VPS13B: variants seen among roughly 807,000 people sequenced by gnomAD.
VPS13B encodes vacuolar protein sorting 13 homolog B.
VPS13B carries 285 observed loss-of-function variants against 426.4 expected under a neutral mutation model. The ratio of observed to expected loss-of-function variants is 0.67; its 90% CI spans 0.61 to 0.74. The LOEUF is 0.74. Ranked by LOEUF, VPS13B falls within the 30% of genes least tolerant of loss-of-function variation. The pLI is 0.00. For missense variants in VPS13B, 4,537 were observed against 4,782.6 expected (o/e 0.95, Z 1.51); for synonymous variants, 1,676 against 1,676.4 (o/e 1.00, Z 0.01).
chr8:99,615,885 CT>C (rs938131233), intron 33 of VPS13B, among the ~76,000 whole-genome samples: 285 of 151,988 alleles, frequency 1.9e-3, no homozygotes, highest in African/African-American at 6.2e-3. Context: ...CGTTTATTGT[CT>C]TTTTTTATGC....
chr8:99,335,387 G>T (rs1313814848), intron 19 of VPS13B, among the ~76,000 whole-genome samples: 1 of 151,918 alleles, frequency 6.6e-6, no homozygotes, highest in African/African-American at 2.4e-5. Context: ...GTTATTTCTT[G>T]CCTTCTGCTA....
chr8:99,517,635 TC>T (rs1309017356), intron 29 of VPS13B, among the ~76,000 whole-genome samples: 4 of 152,180 alleles, frequency 2.6e-5, no homozygotes, highest in African/African-American at 9.7e-5. Flanking sequence ...GTCTTTGACT[TC>T]CAGCTTAATC....
intron 15 of VPS13B, among the ~76,000 whole-genome samples, chr8:99,169,340 T>C (rs1433232003): frequency 1.3e-5 from 2 of 152,036 alleles, no homozygotes; most frequent in Non-Finnish European, 2.9e-5. Flanking sequence ...TGTAACGTGA[T>C]GTTATGTTGT....
chr8:99,866,842 T>G (rs1429620914), intron 58 of VPS13B, among the ~76,000 whole-genome samples: 1 of 152,194 alleles, frequency 6.6e-6, no homozygotes, highest in Non-Finnish European at 1.5e-5. Flanking sequence ...AAATGAGGGG[T>G]GCTCCCAGCT....
chr8:99,073,629 T>C (rs1216168392), intron 3 of VPS13B, among the ~76,000 whole-genome samples: 3 of 151,952 alleles, frequency 2.0e-5, no homozygotes, highest in South Asian at 2.1e-4. Flanking sequence ...TAGGTTTTTC[T>C]GTATATAAGA....
intron 40 of VPS13B, 62 bp downstream of exon 40, chr8:99,767,032 C>G: frequency 6.6e-7 from 1 of 1,526,706 alleles, no homozygotes; most frequent in Non-Finnish European, 9.0e-7. Context: ...GTCATCTTTT[C>G]CTATCTAGTG....
At chr8:99,485,102 A>G (rs1488531597) in intron 25 of VPS13B, among the ~76,000 whole-genome samples, 2 of 152,174 alleles carry the variant, frequency 1.3e-5, no homozygotes, top group East Asian at 3.8e-4. Context: ...ACAGTCAGTG[A>G]TATGCTTCAT....
In VPS13B at chr8:99,832,341, A is replaced by ATTTTTTTTTTTTT. The variant is rs370235149; in HGVS notation, c.9331-15_9331-3dup. 65 of 1,195,318 alleles carry ATTTTTTTTTTTTT rather than the reference A, an allele frequency of 5.4e-5. No individual in the cohort carries two copies. The highest frequency in any genetic ancestry group is 2.2e-4 in the African/African-American group (10 of 45,908). The allele number at this position is 1,195,318 out of a possible 1,614,324, so 74.0% of individuals were successfully genotyped here. On this transcript the variant is annotated intron_variant, in intron 51 of 61. Transcript: ENST00000357162. ...TTACTGTAGCTAATGTGCTCTCTGC[A>ATTTTTTTTTTTTT]TTTTTTTTTTTTTTTTTTTTTTTTT...
intron 23 of VPS13B, among the ~76,000 whole-genome samples, chr8:99,464,602 A>G (rs1249413927): frequency 6.6e-6 from 1 of 152,144 alleles, no homozygotes; most frequent in African/African-American, 2.4e-5. Flanking sequence ...TGATTATAGC[A>G]TGGTATGATA....
intron 23 of VPS13B, among the ~76,000 whole-genome samples, chr8:99,463,140 A>G (rs954441915): frequency 2.0e-5 from 3 of 152,230 alleles, no homozygotes; most frequent in Admixed American, 6.5e-5. Flanking sequence ...TAGCAAAACT[A>G]TAGGGTAACT....
chr8:99,446,465 T>G (rs1164890384), intron 23 of VPS13B, among the ~76,000 whole-genome samples: 1 of 152,176 alleles, frequency 6.6e-6, no homozygotes, highest in African/African-American at 2.4e-5. Context: ...TTATGAGTCC[T>G]GCAAGTTTTC....
intron 21 of VPS13B, among the ~76,000 whole-genome samples, chr8:99,397,495 A>G (rs1005432941): frequency 7.9e-5 from 12 of 152,142 alleles, no homozygotes; most frequent in African/African-American, 2.7e-4. Context: ...TCAAGGTGTA[A>G]TATTTTAAAT....
At chr8:99,697,689 C>G in intron 35 of VPS13B, 1 of 640,082 alleles carries the variant, frequency 1.6e-6, no homozygotes, top group Non-Finnish European at 3.0e-6. Flanking sequence ...AGGGCTTGAT[C>G]TCACACCTGG....
chr8:99,286,015 C>T (rs1819420527), intron 19 of VPS13B, among the ~76,000 whole-genome samples: 1 of 152,092 alleles, frequency 6.6e-6, no homozygotes, highest in Non-Finnish European at 1.5e-5. Context: ...TGCCCTTCCT[C>T]CTCCCCATCC....
chr8:99,403,653 A>G (rs571548818), intron 21 of VPS13B, among the ~76,000 whole-genome samples: 3 of 152,050 alleles, frequency 2.0e-5, no homozygotes, highest in Non-Finnish European at 4.4e-5. Context: ...GTTAGGTACT[A>G]TGATTGGCCC....
intron 4 of VPS13B, among the ~76,000 whole-genome samples, chr8:99,099,303 A>T (rs1433301488): frequency 6.6e-6 from 1 of 152,214 alleles, no homozygotes; most frequent in Non-Finnish European, 1.5e-5. Context: ...CCATTTGAGC[A>T]TAAATTTCCT....
intron 30 of VPS13B, among the ~76,000 whole-genome samples, chr8:99,543,701 C>T (rs1823776808): frequency 6.7e-6 from 1 of 149,660 alleles, no homozygotes; most frequent in Admixed American, 6.6e-5. Context: ...AGCCAAAAAA[C>T]ACATGAAAAA....
chr8:99,865,942 C>T (rs936969374), intron 58 of VPS13B, among the ~76,000 whole-genome samples: 2 of 152,226 alleles, frequency 1.3e-5, no homozygotes, highest in African/African-American at 4.8e-5. Context: ...TAAGGGAAGG[C>T]CTGGTGGTTT....
chr8:99,495,406 C>G (rs1820832344), intron 25 of VPS13B, among the ~76,000 whole-genome samples: 1 of 152,082 alleles, frequency 6.6e-6, no homozygotes, highest in African/African-American at 2.4e-5. Flanking sequence ...TTTATCAGAT[C>G]TGGTATCTGA....
Sources: allele counts gnomAD v4.1 joint callset (sites outside exome capture counted in the v4.1 genomes callset), GRCh38; gene constraint gnomAD v4.1.1; transcripts MANE v1.5; gene names NCBI Gene and HGNC (gene_info 2026-07-23, HGNC 2026-07-21).